Variants in MCC observed in about 807,000 individuals in gnomAD.
The protein encoded by MCC is colorectal mutant cancer protein.
MCC carries 90 observed loss-of-function variants against 116.2 expected under a neutral mutation model. That is an observed-to-expected ratio of 0.77 (90% CI 0.65 to 0.92). The LOEUF (loss-of-function observed/expected upper bound fraction) is 0.92. Among genes scored for constraint, MCC ranks in the 40% least tolerant of loss-of-function variants. The pLI is 0.00. For missense variants in MCC, 1,516 were observed against 1,312.2 expected (o/e 1.16, Z -2.40); for synonymous variants, 578 against 510.5 (o/e 1.13, Z -1.78).
intron 3 of MCC, among the ~76,000 whole-genome samples, chr5:113,162,770 A>G (rs1760561191): frequency 6.6e-6 from 1 of 152,168 alleles, no homozygotes; most frequent in Admixed American, 6.5e-5. Flanking sequence ...AAGTGCTGGG[A>G]TTACAAGCTA....
chr5:113,051,984 T>C (rs1329424588), intron 15 of MCC, among the ~76,000 whole-genome samples: 3 of 152,086 alleles, frequency 2.0e-5, no homozygotes, highest in Admixed American at 1.3e-4. Context: ...AAGAAAGTCA[T>C]AGGGAACCAA....
At chr5:113,218,015 G>C (rs1346173952) in intron 3 of MCC, among the ~76,000 whole-genome samples, 1 of 151,084 alleles carries the variant, frequency 6.6e-6, no homozygotes, top group Non-Finnish European at 1.5e-5. Context: ...ACCAGACACT[G>C]TAAATAGTTT....
intron 3 of MCC, among the ~76,000 whole-genome samples, chr5:113,196,203 C>T (rs1762396765): frequency 6.6e-6 from 1 of 152,212 alleles, no homozygotes; most frequent in Non-Finnish European, 1.5e-5. Flanking sequence ...ATCTCCCTTG[C>T]TTGTGCCAAC....
intron 3 of MCC, among the ~76,000 whole-genome samples, chr5:113,217,175 T>G (rs1244639996): frequency 6.6e-6 from 1 of 152,210 alleles, no homozygotes; most frequent in African/African-American, 2.4e-5. Context: ...TACTAATCCT[T>G]CAAGATAAAA....
At chr5:113,246,332 T>C (rs567698685) in intron 3 of MCC, among the ~76,000 whole-genome samples, 4 of 152,338 alleles carry the variant, frequency 2.6e-5, no homozygotes, top group South Asian at 2.1e-4. Context: ...AAAGTTCATC[T>C]TTTTTAAAGC....
intron 1 of MCC, among the ~76,000 whole-genome samples, chr5:113,422,275 A>AT (rs55998497): frequency 0.3 from 45,759 of 152,058 alleles, 8,906 homozygotes; most frequent in African/African-American, 0.54. Flanking sequence ...ATGATACAGT[A>AT]TTCCACCATA....
At chr5:113,436,007 G>A (rs1208489495) in intron 1 of MCC, 1 of 152,436 alleles carries the variant, frequency 6.6e-6, no homozygotes, top group Non-Finnish European at 1.5e-5. Context: ...CAGGAAGAAG[G>A]AGTTGCATGA....
At position 113,046,393 on chromosome 5, in the gene MCC, T is replaced by C. The variant is rs562311351; in HGVS notation, c.2655+2700A>G. On this transcript the variant is annotated intron_variant, in intron 16 of 18. Transcript: ENST00000408903. ...TTTTAGTAGAGATGGGGTTTCACCA[T>C]GTTGGTGATGCTGGTCTTGAACTCC... Among the ~76,000 whole-genome samples, 4 of 152,142 alleles carry C rather than the reference T, an allele frequency of 2.6e-5. No individual in the cohort carries two copies. The South Asian group carries it at 6.2e-4, about 24-fold the overall frequency.
intron 2 of MCC, among the ~76,000 whole-genome samples, chr5:113,364,224 C>A: frequency 9.7e-6 from 1 of 103,098 alleles, no homozygotes; most frequent in Admixed American, 1.4e-4. Context: ...GAGTGAGACT[C>A]TTTCTCAAAA....
intron 8 of MCC, among the ~76,000 whole-genome samples, chr5:113,100,106 G>C (rs953003686): frequency 6.6e-6 from 1 of 152,176 alleles, no homozygotes; most frequent in Non-Finnish European, 1.5e-5. Flanking sequence ...GCTGCATACT[G>C]AAAATATGCT....
At position 113,024,113 on chromosome 5, in the gene MCC, G is replaced by A. The variant is rs911761810; in HGVS notation, c.*3189C>T. The A allele has an allele frequency of 6.6e-6, 1 of 152,200 alleles. No individual in the cohort carries two copies. The highest frequency in any genetic ancestry group is 1.5e-5 in the Non-Finnish European group (1 of 68,052). The allele number at this position is 152,200 out of a possible 1,614,324, so 9.4% of individuals were successfully genotyped here. A position where few individuals can be genotyped will look rare whatever the true frequency, so the allele number is the denominator to read the frequency against. On this transcript the variant is annotated 3_prime_UTR_variant, in exon 19 of 19. Transcript: ENST00000408903. ...GCTCTAATTTGGACTTCCTTTTGGA[G>A]TAGAATGTCAAGGCTCTGACTTAGA...
intron 1 of MCC, among the ~76,000 whole-genome samples, chr5:113,419,772 C>CA (rs1362016727): frequency 2.8e-5 from 4 of 145,218 alleles, no homozygotes; most frequent in East Asian, 2.0e-4. Context: ...ATCTCAGGGA[C>CA]AAAAAACCAA....
chr5:113,441,073 G>A (rs1295573088), intron 1 of MCC, among the ~76,000 whole-genome samples: 1 of 152,176 alleles, frequency 6.6e-6, no homozygotes, highest in African/African-American at 2.4e-5. Context: ...GGTGGCTCAC[G>A]CCTGTAATCC....
chr5:113,270,048 G>C (rs1466201179), intron 3 of MCC, among the ~76,000 whole-genome samples: 1 of 152,170 alleles, frequency 6.6e-6, no homozygotes, highest in African/African-American at 2.4e-5. Context: ...GAGCTGAACT[G>C]TTTAACATTA....
At chr5:113,071,504 A>G (rs1455227301) in intron 11 of MCC, among the ~76,000 whole-genome samples, 1 of 152,228 alleles carries the variant, frequency 6.6e-6, no homozygotes, top group Non-Finnish European at 1.5e-5. Context: ...AGCAGGGCAC[A>G]GTGCTAGGCT....
chr5:113,057,192 C>A (rs1277539079), intron 14 of MCC, among the ~76,000 whole-genome samples: 1 of 152,128 alleles, frequency 6.6e-6, no homozygotes, highest in Non-Finnish European at 1.5e-5. Flanking sequence ...GTGGGAGGGG[C>A]TGGGTGCCAG....
chr5:113,412,613 A>G (rs1420005807), intron 1 of MCC, among the ~76,000 whole-genome samples: 1 of 152,178 alleles, frequency 6.6e-6, no homozygotes, highest in Non-Finnish European at 1.5e-5. Flanking sequence ...ATTTTTGCAC[A>G]CTGATTTTGT....
intron 1 of MCC, among the ~76,000 whole-genome samples, chr5:113,471,758 G>GA (rs1772097554): frequency 1.6e-5 from 2 of 128,794 alleles, no homozygotes; most frequent in Non-Finnish European, 3.3e-5. Flanking sequence ...TCTGTGCCCT[G>GA]CCCCCAGAGA....
intron 3 of MCC, among the ~76,000 whole-genome samples, chr5:113,151,733 C>T (rs1176980993): frequency 6.6e-6 from 1 of 152,134 alleles, no homozygotes; most frequent in Non-Finnish European, 1.5e-5. Flanking sequence ...TGAGGATGAG[C>T]CTGACAGCTG....
Sources: allele counts gnomAD v4.1 joint callset (sites outside exome capture counted in the v4.1 genomes callset), GRCh38; gene constraint gnomAD v4.1.1; transcripts MANE v1.5; gene names NCBI Gene and HGNC (gene_info 2026-07-23, HGNC 2026-07-21).